Variants in SH2D4A observed in about 807,000 individuals in gnomAD.
SH2D4A encodes SH2 domain-containing protein 4A.
A neutral mutation model predicts 64.7 loss-of-function variants in SH2D4A; 70 were observed. The ratio of observed to expected loss-of-function variants is 1.08; its 90% CI spans 0.89 to 1.32. SH2D4A has a LOEUF of 1.32. SH2D4A is among the 40% of genes most tolerant of loss of function. The probability of loss-of-function intolerance (pLI) is 0.00; values close to 1 mark genes in which losing one functional copy is unlikely to be tolerated. For synonymous variants in SH2D4A, 268 were observed against 200.7 expected (o/e 1.34, Z -2.83); for missense variants, 706 against 540.1 (o/e 1.31, Z -3.04).
intron 1 of SH2D4A, among the ~76,000 whole-genome samples, chr8:19,314,322 C>G (rs1359709991): frequency 6.6e-6 from 1 of 152,152 alleles, no homozygotes; most frequent in Non-Finnish European, 1.5e-5. Flanking sequence ...AGGGAAGTCC[C>G]GGGAAACGGT....
At chr8:19,347,964 G>A (rs1244271475) in intron 4 of SH2D4A, among the ~76,000 whole-genome samples, 1 of 152,094 alleles carries the variant, frequency 6.6e-6, no homozygotes, top group Non-Finnish European at 1.5e-5. Flanking sequence ...ACTGCCCCAA[G>A]GCTCTGACAC....
chr8:19,395,299 C>T lies in SH2D4A; in HGVS notation c.*657C>T, dbSNP rs2053570394. 6.6e-6 allele frequency: 1 copy of T among 152,176 alleles called. No individual in the cohort carries two copies. Among genetic ancestry groups the T allele is most frequent in the African/African-American group, 2.4e-5 (1 of 41,434 alleles). 9.4% of individuals were successfully genotyped at this position (152,176 alleles called of 1,614,324 possible). On this transcript the variant is annotated 3_prime_UTR_variant, in exon 10 of 10. Coordinates refer to ENST00000265807, the MANE Select transcript of SH2D4A (RefSeq NM_022071.4). ...AATGGGGCCGGGGCTGGCCTGGCCT[C>T]CCCTGGATATACTCTATAGTGCACC... is the stretch of plus-strand genomic sequence containing the variant.
Position 19,352,110 on chromosome 8 carries a change from T to C in SH2D4A, c.514-5093T>C, listed in dbSNP as rs2052715100. On this transcript the variant is annotated intron_variant, in intron 4 of 9. Coordinates refer to ENST00000265807, the MANE Select transcript of SH2D4A (RefSeq NM_022071.4). ...TAACCCTACTTATAAACAAAGGGAA[T>C]ATTAAGTTAGAAGCCAGTATCAACT... Among the ~76,000 whole-genome samples the C allele has an allele frequency of 2.0e-5, 3 of 152,202 alleles. No individual in the cohort carries two copies. The South Asian group carries it at 6.2e-4, about 31-fold the overall frequency.
At chr8:19,331,307 G>A (rs1405590873) in intron 2 of SH2D4A, among the ~76,000 whole-genome samples, 3 of 152,198 alleles carry the variant, frequency 2.0e-5, no homozygotes, top group African/African-American at 7.2e-5. Flanking sequence ...CAGTGTGGAT[G>A]TTTTGCTCAT....
intron 8 of SH2D4A, among the ~76,000 whole-genome samples, chr8:19,380,401 C>G (rs1310180000): frequency 1.3e-5 from 2 of 151,624 alleles, no homozygotes; most frequent in African/African-American, 4.8e-5. Flanking sequence ...CTCTTTTTTT[C>G]TTGTGTTGCT....
chr8:19,394,828 A>G lies in SH2D4A; in HGVS notation c.*186A>G. ...TGCACAAATACTGGAATTCAATGTC[A>G]AGAGAAAATGACCTCTGCTCAAAAG... On this transcript the variant is annotated 3_prime_UTR_variant, in exon 10 of 10. Coordinates refer to ENST00000265807, the MANE Select transcript of SH2D4A (RefSeq NM_022071.4). 4.9e-6 allele frequency: 2 copies of G among 407,118 alleles called. No individual in the cohort carries two copies. The highest frequency in any genetic ancestry group is 8.7e-6 in the Non-Finnish European group (2 of 230,500). The allele number at this position is 407,118 out of a possible 1,614,324, so 25.2% of individuals were successfully genotyped here.
intron 8 of SH2D4A, among the ~76,000 whole-genome samples, chr8:19,388,600 A>G (rs946734627): frequency 6.6e-6 from 1 of 152,240 alleles, no homozygotes; most frequent in African/African-American, 2.4e-5. Flanking sequence ...GCCATCTTTC[A>G]TCTGATTTTT....
At chr8:19,353,426 T>C (rs1172264915) in intron 4 of SH2D4A, among the ~76,000 whole-genome samples, 6 of 150,288 alleles carry the variant, frequency 4.0e-5, no homozygotes. Flanking sequence ...TGGAGTACAG[T>C]GGCAGCATCT....
At chr8:19,343,742 G>T (rs34644046) in intron 4 of SH2D4A, among the ~76,000 whole-genome samples, 10,923 of 152,260 alleles carry the variant, frequency 0.072, 582 homozygotes, top group African/African-American at 0.14. Flanking sequence ...TGTAATGATA[G>T]GCATTACAGC....
intron 3 of SH2D4A, among the ~76,000 whole-genome samples, chr8:19,334,411 G>C (rs1274294678): frequency 6.6e-6 from 1 of 152,210 alleles, no homozygotes; most frequent in Non-Finnish European, 1.5e-5. Flanking sequence ...CCAGGGTTCA[G>C]ATCTTGGCTG....
At position 19,333,033 on chromosome 8, in the gene SH2D4A, A is replaced by G. The variant is rs2052388725; in HGVS notation, c.260A>G (p.Asp87Gly). 2 of 1,614,018 alleles carry G rather than the reference A, an allele frequency of 1.2e-6. No individual in the cohort carries two copies. Among genetic ancestry groups the G allele is most frequent in the Non-Finnish European group, 1.7e-6 (2 of 1,180,032 alleles). Residue 87 changes from aspartate to glycine, a missense_variant, in exon 3 of 10, where the codon GAT becomes GGT. Asp to Gly is a moderately conservative substitution (Grantham distance 94). Coordinates refer to ENST00000265807, the MANE Select transcript of SH2D4A (RefSeq NM_022071.4). ...TGGGTGATGGGCGAACACCATCTAGATAAACCCTATGATGTGCTCTGTAAT... is the reference window on the plus strand; with the variant it reads ...TGGGTGATGGGCGAACACCATCTAGGTAAACCCTATGATGTGCTCTGTAAT... ...WVWVMGEHHLDKPYDVLCNEI... is the reference protein window; with the variant it reads ...WVWVMGEHHLGKPYDVLCNEI...
At position 19,364,174 on chromosome 8, in the gene SH2D4A, G is replaced by A; in HGVS notation, c.809G>A (p.Gly270Asp). Residue 270 changes from glycine to aspartate, a missense_variant, in exon 7 of 10, where the codon GGT becomes GAT. By Grantham distance (94) the Gly-to-Asp change is moderately conservative. Coordinates refer to ENST00000265807, the MANE Select transcript of SH2D4A (RefSeq NM_022071.4). Reference sequence around the variant, plus strand: ...CTCGGGGCCCAGAAAGGAAGAGGCGGTGAGAGGCTGCAAAGCCCCTTGCGT... The same window carrying A: ...CTCGGGGCCCAGAAAGGAAGAGGCGATGAGAGGCTGCAAAGCCCCTTGCGT... ...LSLGAQKGRGGERLQSPLRVP... is the reference protein window; with the variant it reads ...LSLGAQKGRGDERLQSPLRVP... The A allele has an allele frequency of 6.2e-7, 1 of 1,614,160 alleles. No homozygotes were observed. Among genetic ancestry groups the A allele is most frequent in the Non-Finnish European group, 8.5e-7 (1 of 1,180,006 alleles).
rs1477078711 is a variant in SH2D4A, at chr8:19,383,700, C to T, written c.1049-9618C>T. 2.6e-5 allele frequency among the ~76,000 whole-genome samples: 4 copies of T among 152,136 alleles called. No homozygotes were observed. In the East Asian group the frequency reaches 7.7e-4, roughly 29 times the overall value. ...AGGATCAGCCTGAGGTATAAACTTA[C>T]AGTCTTCACAGCTTCTTTTTTAGCC... On this transcript the variant is annotated intron_variant, in intron 8 of 9. Coordinates refer to ENST00000265807, the MANE Select transcript of SH2D4A (RefSeq NM_022071.4).
chr8:19,351,527 C>A (rs2052704849), intron 4 of SH2D4A, among the ~76,000 whole-genome samples: 1 of 151,998 alleles, frequency 6.6e-6, no homozygotes, highest in Non-Finnish European at 1.5e-5. Context: ...GGCGTGAACC[C>A]AGGAGGCGGA....
intron 8 of SH2D4A, among the ~76,000 whole-genome samples, chr8:19,384,507 G>GTTTTATTCA (rs1367465329): frequency 6.6e-6 from 1 of 152,094 alleles, no homozygotes; most frequent in Non-Finnish European, 1.5e-5. Context: ...TGCAATCCTT[G>GTTTTATTCA]TTTTATTCAT....
At chr8:19,385,686 G>C (rs1163999720) in intron 8 of SH2D4A, among the ~76,000 whole-genome samples, 2 of 152,072 alleles carry the variant, frequency 1.3e-5, no homozygotes, top group East Asian at 3.9e-4. Context: ...GTCATACACA[G>C]CTCCTTCAAA....
intron 1 of SH2D4A, among the ~76,000 whole-genome samples, chr8:19,315,882 T>G (rs931412831): frequency 6.6e-6 from 1 of 152,218 alleles, no homozygotes; most frequent in African/African-American, 2.4e-5. Context: ...CACAGTAGAT[T>G]ATGTCAGATA....
intron 4 of SH2D4A, among the ~76,000 whole-genome samples, chr8:19,350,291 T>C (rs938849413): frequency 6.6e-6 from 1 of 152,224 alleles, no homozygotes; most frequent in Non-Finnish European, 1.5e-5. Flanking sequence ...CTGCACCAGC[T>C]CTGCATCACT....
At chr8:19,346,439 A>C (rs2052614439) in intron 4 of SH2D4A, among the ~76,000 whole-genome samples, 1 of 152,198 alleles carries the variant, frequency 6.6e-6, no homozygotes, top group African/African-American at 2.4e-5. Flanking sequence ...ATGCCTGACG[A>C]TCTGTCACTG....
Sources: allele counts gnomAD v4.1 joint callset (sites outside exome capture counted in the v4.1 genomes callset), GRCh38; gene constraint gnomAD v4.1.1; transcripts MANE v1.5; gene names NCBI Gene and HGNC (gene_info 2026-07-23, HGNC 2026-07-21).